The following VSTM2A variants were observed in gnomAD, a reference collection of about 807,000 sequenced individuals.
VSTM2A encodes V-set and transmembrane domain-containing protein 2A.
In VSTM2A, 13 loss-of-function variants were observed where a neutral mutation model predicts 27.3. That is an observed-to-expected ratio of 0.48 (90% CI 0.31 to 0.76). The LOEUF (loss-of-function observed/expected upper bound fraction) is 0.76, where lower values mean the gene tolerates loss of function less well. Among genes scored for constraint, VSTM2A ranks in the 30% least tolerant of loss-of-function variants. The pLI, the probability that VSTM2A is intolerant of heterozygous loss-of-function variation, is 0.05. For missense variants in VSTM2A, 280 were observed against 310.0 expected, an observed-to-expected ratio of 0.90 and a Z score of 0.73; for synonymous variants, 142 against 125.7, an observed-to-expected ratio of 1.13 and a Z score of -0.87.
chr7:54,567,765 CT>C lies in VSTM2A; in HGVS notation c.635-1356del, dbSNP rs11407689. Among the ~76,000 whole-genome samples, 12 of 149,274 alleles carry C rather than the reference CT, an allele frequency of 8.0e-5. No homozygotes were observed. In the East Asian group the frequency reaches 9.8e-4, roughly 12 times the overall value. On this transcript the variant is annotated intron_variant, in intron 4 of 4. Transcript: ENST00000402613. The stretch of plus-strand genomic sequence containing the variant: ...AGCATTTAATAATTTATTTTTCTTT[CT>C]TTTTTTTTTCATTAAATGAATCCCT...
intron 4 of VSTM2A, among the ~76,000 whole-genome samples, chr7:54,567,941 T>G (rs1207639849): frequency 1.3e-5 from 2 of 152,150 alleles, no homozygotes; most frequent in African/African-American, 4.8e-5. Flanking sequence ...ACTGTTGCAT[T>G]TTTTGAAACT....
intron 4 of VSTM2A, chr7:54,558,304 A>C (rs541068753): frequency 1.1e-4 from 16 of 152,200 alleles, no homozygotes; most frequent in Non-Finnish European, 2.2e-4. Flanking sequence ...TAGGAATATA[A>C]ATTAATAATG....
Position 54,569,688 on chromosome 7 carries a change from A to G in VSTM2A, c.*469A>G, listed in dbSNP as rs191205117. On this transcript the variant is annotated 3_prime_UTR_variant, in exon 5 of 5. Transcript: ENST00000402613. ...TGGATTTTTCTTCTTTTTCTTGATT[A>G]CAGTTCTTGTTCAATGGTGGCAAGT... 3.8e-5 allele frequency: 6 copies of G among 158,110 alleles called. No individual in the cohort carries two copies. Among genetic ancestry groups the G allele is most frequent in the African/African-American group, 1.2e-4 (5 of 41,534 alleles). The allele number at this position is 158,110 out of a possible 1,614,324, so 9.8% of individuals were successfully genotyped here.
At chr7:54,544,889 G>C (rs1307958343) in intron 2 of VSTM2A, 101 bp downstream of exon 2, 1 of 1,362,208 alleles carries the variant, frequency 7.3e-7, no homozygotes, top group Non-Finnish European at 9.8e-7. Context: ...ACACCCCTGG[G>C]GACCTGCCCG....
chr7:54,549,766 A>G, intron 3 of VSTM2A, 68 bp from the exon 4 acceptor site: 8 of 1,407,642 alleles, frequency 5.7e-6, no homozygotes, highest in South Asian at 1.5e-5. Context: ...TAGCAAGCTC[A>G]GGGTAAAAAA....
At chr7:54,545,603 G>A (rs1411780325) in intron 2 of VSTM2A, among the ~76,000 whole-genome samples, 2 of 67,394 alleles carry the variant, frequency 3.0e-5, no homozygotes, top group African/African-American at 1.3e-4. Context: ...GGGAGAGAGG[G>A]ACGGGGAGGG....
At chr7:54,550,234 C>T (rs1191296489) in intron 4 of VSTM2A, 64 bp downstream of exon 4, 7 of 1,549,636 alleles carry the variant, frequency 4.5e-6, no homozygotes, top group South Asian at 3.6e-5. Context: ...AAAGGTCAGT[C>T]GTATAGAGTA....
intron 1 of VSTM2A, among the ~76,000 whole-genome samples, chr7:54,543,164 T>G (rs1787840667): frequency 6.6e-6 from 1 of 152,168 alleles, no homozygotes; most frequent in African/African-American, 2.4e-5. Context: ...GGCTGGATAC[T>G]GGGACTCTCC....
At chr7:54,546,902 C>A (rs746813363) in intron 2 of VSTM2A, 45 bp from the exon 3 acceptor site, 3 of 1,592,620 alleles carry the variant, frequency 1.9e-6, no homozygotes, top group Non-Finnish European at 2.6e-6. Context: ...AGCGGGTGGT[C>A]GGGCGGGCCT....
Position 54,569,767 on chromosome 7 carries a change from G to A in VSTM2A, c.*548G>A, listed in dbSNP as rs1788834817. 6.5e-6 allele frequency: 1 copy of A among 153,080 alleles called. No homozygotes were observed. The allele number at this position is 153,080 out of a possible 1,614,324, so 9.5% of individuals were successfully genotyped here. On this transcript the variant is annotated 3_prime_UTR_variant, in exon 5 of 5. Coordinates refer to ENST00000402613, the MANE Select transcript of VSTM2A (RefSeq NM_001301009.2). ...TAGGAGGTTTATAGAACTACATTTT[G>A]AGTGTTCTATATTTCAGTGTATTTT...
Position 54,569,196 on chromosome 7 carries a change from C to T in VSTM2A, c.700C>T (p.His234Tyr). ...TAKLTLNSKH[H>Y]PAPTVL ...AAAGTTGACCCTAAACTCCAAGCAC[C>T]ACCCTGCACCCACTGTACTCTAATT... Residue 234 changes from histidine to tyrosine, a missense_variant, in exon 5 of 5, where the codon CAC (histidine) becomes TAC (tyrosine). His to Tyr is a moderately conservative substitution (Grantham distance 83). Coordinates refer to ENST00000402613, the MANE Select transcript of VSTM2A (RefSeq NM_001301009.2). 2 of 1,551,648 alleles carry T rather than the reference C, an allele frequency of 1.3e-6. No individual in the cohort carries two copies. The highest frequency in any genetic ancestry group is 1.7e-6 in the Non-Finnish European group (2 of 1,146,950).
intron 3 of VSTM2A, among the ~76,000 whole-genome samples, chr7:54,547,497 T>C (rs1034187150): frequency 1.3e-5 from 2 of 152,190 alleles, no homozygotes; most frequent in African/African-American, 2.4e-5. Context: ...ATAAATATAA[T>C]GCCAAAAGCC....
intron 4 of VSTM2A, chr7:54,559,725 G>C (rs1788489742): frequency 6.6e-6 from 1 of 152,082 alleles, no homozygotes; most frequent in African/African-American, 2.4e-5. Flanking sequence ...GAAATACACA[G>C]ATGACCAAAA....
chr7:54,552,803 T>C (rs771896585), intron 4 of VSTM2A, among the ~76,000 whole-genome samples: 1 of 152,230 alleles, frequency 6.6e-6, no homozygotes, highest in African/African-American at 2.4e-5. Context: ...TATCTTTTAT[T>C]GTTTGATACA....
At chr7:54,557,327 T>G (rs1333470212) in intron 4 of VSTM2A, 1 of 151,846 alleles carries the variant, frequency 6.6e-6, no homozygotes. Context: ...TTTCTTTTTT[T>G]TTTTTTTTTG....
At chr7:54,557,922 T>C (rs1302628032) in intron 4 of VSTM2A, 2 of 152,204 alleles carry the variant, frequency 1.3e-5, no homozygotes, top group African/African-American at 4.8e-5. Flanking sequence ...ATTTCTGGCT[T>C]ATGTTTTATG....
chr7:54,552,403 A>C (rs895657531), intron 4 of VSTM2A: 2 of 152,250 alleles, frequency 1.3e-5, no homozygotes, highest in African/African-American at 4.8e-5. Context: ...ATACTTGCAC[A>C]ATTATTATAT....
At chr7:54,542,941 TTC>T in intron 1 of VSTM2A, 132 bp downstream of exon 1, 1 of 842,584 alleles carries the variant, frequency 1.2e-6, no homozygotes, top group East Asian at 2.5e-5. Flanking sequence ...ATAAATAGTG[TTC>T]TGTTTGACGA....
At chr7:54,546,448 G>C (rs1414697440) in intron 2 of VSTM2A, among the ~76,000 whole-genome samples, 1 of 151,892 alleles carries the variant, frequency 6.6e-6, no homozygotes, top group Non-Finnish European at 1.5e-5. Flanking sequence ...CGGGACGGCA[G>C]GCGGGATGGT....
Sources: allele counts gnomAD v4.1 joint callset (sites outside exome capture counted in the v4.1 genomes callset), GRCh38; gene constraint gnomAD v4.1.1; transcripts MANE v1.5; gene names NCBI Gene and HGNC (gene_info 2026-07-23, HGNC 2026-07-21).